Variants in SMARCA2 observed in about 807,000 individuals in gnomAD.
SMARCA2 encodes SWI/SNF related BAF chromatin remodeling complex subunit ATPase 2.
Under a neutral mutation model 199.8 loss-of-function variants are expected in SMARCA2, and 61 were observed. The ratio of observed to expected loss-of-function variants is 0.31; its 90% CI spans 0.25 to 0.38. SMARCA2 has a LOEUF of 0.38. SMARCA2 is among the 10% of genes least tolerant of loss of function. The pLI is 1.00. For missense variants in SMARCA2, 1,344 were observed against 2,012.2 expected (o/e 0.67, Z 6.35); for synonymous variants, 935 against 732.0 (o/e 1.28, Z -4.48).
At chr9:2,182,049 C>T in intron 30 of SMARCA2, 92 bp from the exon 31 acceptor site, 1 of 881,712 alleles carries the variant, frequency 1.1e-6, no homozygotes, top group Middle Eastern at 2.4e-4. Flanking sequence ...GCTGTGAAGA[C>T]AAAGGGAAAA....
Position 2,170,396 on chromosome 9 carries a change from G to C in SMARCA2, c.4200-23G>C. On this transcript the variant is annotated intron_variant, in intron 28 of 33. Coordinates refer to ENST00000349721, the MANE Select transcript of SMARCA2 (RefSeq NM_003070.5). The surrounding 1 kb of genome is among the most constrained non-coding windows in gnomAD (Gnocchi z 4.7). Reference sequence around the variant, plus strand: ...CGAGAACCCAGGTCTTCTGACTCTAGTGTTCTTTCTACTCTACCGCAGGTG... The same window carrying C: ...CGAGAACCCAGGTCTTCTGACTCTACTGTTCTTTCTACTCTACCGCAGGTG... The C allele has an allele frequency of 1.2e-6, 2 of 1,614,026 alleles. No homozygotes were observed. Among genetic ancestry groups the C allele is most frequent in the South Asian group, 1.1e-5 (1 of 91,070 alleles).
chr9:2,053,649 T>C (rs962093925), intron 5 of SMARCA2, among the ~76,000 whole-genome samples: 1 of 152,216 alleles, frequency 6.6e-6, no homozygotes, highest in Non-Finnish European at 1.5e-5. Context: ...TTATTACTTA[T>C]TATTATTCTT....
intron 27 of SMARCA2, among the ~76,000 whole-genome samples, chr9:2,130,345 C>T (rs556222780): frequency 2.0e-5 from 3 of 152,298 alleles, no homozygotes; most frequent in East Asian, 3.9e-4. Context: ...TCCCGGTCCT[C>T]GGCCTTGTCG....
Position 2,104,224 on chromosome 9 carries a change from A to G in SMARCA2, c.3292+55A>G. The G allele has an allele frequency of 6.7e-7, 1 of 1,487,078 alleles. No homozygotes were observed. The highest frequency in any genetic ancestry group is 9.3e-7 in the Non-Finnish European group (1 of 1,077,286). 92.1% of individuals were successfully genotyped at this position (1,487,078 alleles called of 1,614,324 possible). ...CCATACTACTGAAAATGAAGGGATA[A>G]TGGGCACTTAGGTCCAATCTCAGCC... On this transcript the variant is annotated intron_variant, in intron 23 of 33. Coordinates refer to ENST00000349721, the MANE Select transcript of SMARCA2 (RefSeq NM_003070.5). This position sits in a 1 kb window ranked among gnomAD's most constrained non-coding sequence, Gnocchi z 4.0.
chr9:2,181,821 C>A, intron 30 of SMARCA2, 145 bp downstream of exon 30: 1 of 623,530 alleles, frequency 1.6e-6, no homozygotes, highest in South Asian at 1.9e-5. Context: ...TTGTGCTTTT[C>A]CGTGAGTGTT....
chr9:2,118,855 T>C (rs967924290), intron 25 of SMARCA2, among the ~76,000 whole-genome samples: 2 of 152,186 alleles, frequency 1.3e-5, no homozygotes, highest in African/African-American at 4.8e-5. Flanking sequence ...TTGTTACTGA[T>C]ACCTTTTTAG....
At position 2,123,969 on chromosome 9, in the gene SMARCA2, A is replaced by C. The variant is rs1823577700; in HGVS notation, c.3981+32A>C. The C allele has an allele frequency of 1.1e-5, 17 of 1,525,018 alleles. No individual in the cohort carries two copies. The highest frequency in any genetic ancestry group is 1.5e-5 in the Non-Finnish European group (17 of 1,124,106). The allele number at this position is 1,525,018 out of a possible 1,614,324, so 94.5% of individuals were successfully genotyped here. On this transcript the variant is annotated intron_variant, in intron 27 of 33. Transcript: ENST00000349721. This position sits in a 1 kb window ranked among gnomAD's most constrained non-coding sequence, Gnocchi z 4.1. The stretch of plus-strand genomic sequence containing the variant: ...CTAGCTTTTCTAACCCGCTCTCACT[A>C]GGTGGAGGGTTTTTGGTGGCTTGGA...
rs1245010971 is a variant in SMARCA2, at chr9:2,186,341, C to T, written c.4594+113C>T. 1.2e-5 allele frequency: 14 copies of T among 1,135,638 alleles called. 1 individual carries two copies. The South Asian group carries it at 2.0e-4, about 16-fold the overall frequency. The allele number at this position is 1,135,638 out of a possible 1,614,324, so 70.3% of individuals were successfully genotyped here. On this transcript the variant is annotated intron_variant, in intron 32 of 33. Transcript: ENST00000349721. ...AGTGGGGCAGATCTGGATTGGAGCC[C>T]TTATTCCACTTTGTCCTTGCTGGGC...
chr9:2,124,800 G>A (rs745908346), intron 27 of SMARCA2, among the ~76,000 whole-genome samples: 11 of 152,150 alleles, frequency 7.2e-5, no homozygotes, highest in Non-Finnish European at 4.4e-5. Context: ...ACTGAGGCCC[G>A]GGTGACTGTT....
intron 9 of SMARCA2, among the ~76,000 whole-genome samples, chr9:2,063,884 T>G (rs1356196101): frequency 6.6e-6 from 1 of 152,162 alleles, no homozygotes; most frequent in Non-Finnish European, 1.5e-5. Context: ...ATTACAGACA[T>G]TTTTAGGAAG....
chr9:2,141,172 A>C (rs570106937), intron 27 of SMARCA2, among the ~76,000 whole-genome samples: 2 of 118,510 alleles, frequency 1.7e-5, no homozygotes, highest in Middle Eastern at 4.0e-3. Flanking sequence ...TCCTGAGCCA[A>C]ATTAGACCCT....
At position 2,050,992 on chromosome 9, in the gene SMARCA2, A is replaced by T. The variant is rs750229640; in HGVS notation, c.1046+3508A>T. 9.1e-4 allele frequency among the ~76,000 whole-genome samples: 139 copies of T among 152,346 alleles called. No homozygotes were observed. In the Middle Eastern group the frequency reaches 0.01, roughly 11 times the overall value. ...TGAGGACGCTAAATGAGTCCCCTGC[A>T]GTTATGCAGTATTACATCTTGTTGT... On this transcript the variant is annotated intron_variant, in intron 5 of 33. Coordinates refer to ENST00000349721, the MANE Select transcript of SMARCA2 (RefSeq NM_003070.5).
chr9:2,135,612 G>C (rs1213364773), intron 27 of SMARCA2, among the ~76,000 whole-genome samples: 3 of 152,182 alleles, frequency 2.0e-5, no homozygotes, highest in African/African-American at 7.2e-5. Flanking sequence ...TGCAATCTTG[G>C]CTCACTGCAA....
chr9:2,169,332 G>A lies in SMARCA2; in HGVS notation c.4200-1087G>A, dbSNP rs1193606137. On this transcript the variant is annotated intron_variant, in intron 28 of 33. Transcript: ENST00000349721. This position sits in a 1 kb window ranked among gnomAD's most constrained non-coding sequence, Gnocchi z 6.5. ...TGTAACTTTAGAACTCTTCACAGCG[G>A]CCCCGTTGCCTACCCGATGATGACC... 1.3e-5 allele frequency among the ~76,000 whole-genome samples: 2 copies of A among 152,240 alleles called. No individual in the cohort carries two copies. Among genetic ancestry groups the A allele is most frequent in the East Asian group, 1.9e-4 (1 of 5,176 alleles).
chr9:2,063,291 T>C (rs1030363549), intron 9 of SMARCA2, among the ~76,000 whole-genome samples: 2 of 152,222 alleles, frequency 1.3e-5, no homozygotes, highest in African/African-American at 4.8e-5. Flanking sequence ...CAGTTCCAGA[T>C]GCACTTTTAT....
intron 4 of SMARCA2, chr9:2,046,012 T>C (rs1819827691): frequency 6.6e-6 from 1 of 152,216 alleles, no homozygotes; most frequent in Non-Finnish European, 1.5e-5. Flanking sequence ...ATGTGTTCAG[T>C]TTTTCATAAT....
chr9:2,164,050 C>G (rs537523726), intron 28 of SMARCA2, among the ~76,000 whole-genome samples: 1 of 152,258 alleles, frequency 6.6e-6, no homozygotes, highest in South Asian at 2.1e-4. Flanking sequence ...GAAGAAGTGG[C>G]CATCCTTTCA....
At position 2,039,447 on chromosome 9, in the gene SMARCA2, C is replaced by T; in HGVS notation, c.356-19C>T. On this transcript the variant is annotated intron_variant, in intron 3 of 33. Transcript: ENST00000349721. This position sits in a 1 kb window ranked among gnomAD's most constrained non-coding sequence, Gnocchi z 4.8. Reference sequence around the variant, plus strand: ...GTTGTCAGGGGCAGCCTGTGATTTCCTTTTGTGTTTTATTTTAGGTTATAT... The same window carrying T: ...GTTGTCAGGGGCAGCCTGTGATTTCTTTTTGTGTTTTATTTTAGGTTATAT... The T allele has an allele frequency of 6.2e-7, 1 of 1,601,966 alleles. No individual in the cohort carries two copies. Among genetic ancestry groups the T allele is most frequent in the Non-Finnish European group, 8.5e-7 (1 of 1,172,488 alleles).
At chr9:2,154,716 C>G (rs1461710342) in intron 27 of SMARCA2, among the ~76,000 whole-genome samples, 2 of 152,208 alleles carry the variant, frequency 1.3e-5, no homozygotes, top group South Asian at 2.1e-4. Context: ...GACATTATCT[C>G]CAAATGAGGT....
Sources: allele counts gnomAD v4.1 joint callset (sites outside exome capture counted in the v4.1 genomes callset), GRCh38; gene constraint gnomAD v4.1.1; non-coding constraint Gnocchi (gnomAD v3.1); transcripts MANE v1.5; gene names NCBI Gene and HGNC (gene_info 2026-07-23, HGNC 2026-07-21).